Variants in HABP2 observed in about 807,000 individuals in gnomAD.
HABP2 encodes factor VII-activating protease.
Under a neutral mutation model 66.5 loss-of-function variants are expected in HABP2, and 65 were observed. The ratio of observed to expected loss-of-function variants is 0.98; its 90% CI spans 0.80 to 1.20. The LOEUF is 1.20. Ranked by LOEUF, HABP2 falls within the 50% of genes most tolerant of loss-of-function variation. The probability of loss-of-function intolerance (pLI) is 0.00; values close to 1 mark genes in which losing one functional copy is unlikely to be tolerated. For synonymous variants in HABP2, 263 were observed against 253.9 expected, an observed-to-expected ratio of 1.04 and a Z score of -0.34; for missense variants, 786 against 691.0, an observed-to-expected ratio of 1.14 and a Z score of -1.54.
intron 8 of HABP2, 72 bp from the exon 9 acceptor site, chr10:113,581,804 C>T: frequency 6.6e-7 from 1 of 1,507,870 alleles, no homozygotes; most frequent in East Asian, 2.3e-5. Flanking sequence ...CAGAGTCATA[C>T]CTCTGCCTGA....
In HABP2 at chr10:113,588,920, G is replaced by A; in HGVS notation, c.*551G>A. The A allele has an allele frequency of 5.7e-6, 8 of 1,412,646 alleles. No homozygotes were observed. Among genetic ancestry groups the A allele is most frequent in the African/African-American group, 1.4e-5 (1 of 71,146 alleles). 87.5% of individuals were successfully genotyped at this position (1,412,646 alleles called of 1,614,324 possible). A position where few individuals can be genotyped will look rare whatever the true frequency, so the allele number is the denominator to read the frequency against. On this transcript the variant is annotated 3_prime_UTR_variant, in exon 13 of 13. Coordinates refer to ENST00000351270, the MANE Select transcript of HABP2 (RefSeq NM_004132.5). ...CCGAAATCAAAGCCATCTGAAGCCT[G>A]TCTCTGGTGAACAAACTTCCTCTCT...
At chr10:113,566,029 C>A (rs11575661) in intron 1 of HABP2, among the ~76,000 whole-genome samples, 1 of 152,076 alleles carries the variant, frequency 6.6e-6, no homozygotes, top group African/African-American at 2.4e-5. Context: ...TATCATCTAC[C>A]TAATTCCCAA....
At position 113,578,721 on chromosome 10, in the gene HABP2, C is replaced by T. The variant is rs1030445013; in HGVS notation, c.663C>T (p.His221=). 7 of 1,609,816 alleles carry T rather than the reference C, an allele frequency of 4.3e-6. No individual in the cohort carries two copies. The highest frequency in any genetic ancestry group is 5.1e-6 in the Non-Finnish European group (6 of 1,176,110). The change falls in exon 7 of 13, where the codon CAC becomes CAT. Residue 221 remains histidine (H), a synonymous_variant. Coordinates refer to ENST00000351270, the MANE Select transcript of HABP2 (RefSeq NM_004132.5). The part of the protein sequence containing the change: ...NQHACLYWNS[H]LLLQENYNMF... Reference sequence around the variant, plus strand: ...ATGCGTGCCTTTACTGGAACTCCCACCTCCTCTTGCAGGAGAATTACAACA... The same window carrying T: ...ATGCGTGCCTTTACTGGAACTCCCATCTCCTCTTGCAGGAGAATTACAACA...
chr10:113,580,726 T>TG (rs547042032), intron 8 of HABP2, 34 bp downstream of exon 8: 23 of 1,080,504 alleles, frequency 2.1e-5, no homozygotes, highest in East Asian at 9.5e-5. Context: ...GCCCAGGGGG[T>TG]GGGGGGGATG....
Position 113,582,132 on chromosome 10 carries a change from G to C in HABP2, c.1094+1G>C. 1 of 1,601,278 alleles carries C rather than the reference G, an allele frequency of 6.2e-7. No individual in the cohort carries two copies. The highest frequency in any genetic ancestry group is 1.3e-5 in the African/African-American group (1 of 74,864). On this transcript the variant is annotated splice_donor_variant, in intron 9 of 12. Transcript: ENST00000351270. LOFTEE classifies it high-confidence loss of function. ...TGCTCACTGCTGCCCACTGCACCGA[G>C]TAGGTGCCGCTGGGAGCAGGGACCA...
At chr10:113,582,228 T>G in intron 9 of HABP2, 97 bp downstream of exon 9, 1 of 1,247,220 alleles carries the variant, frequency 8.0e-7, no homozygotes, top group Non-Finnish European at 1.1e-6. Flanking sequence ...CTGTCAGGAT[T>G]AGGGGGTCTG....
At chr10:113,572,023 G>A (rs1191829667) in intron 2 of HABP2, among the ~76,000 whole-genome samples, 1 of 152,188 alleles carries the variant, frequency 6.6e-6, no homozygotes, top group African/African-American at 2.4e-5. Context: ...AAATCACATG[G>A]CAGCCCATCC....
intron 11 of HABP2, 136 bp downstream of exon 11, chr10:113,584,418 C>A: frequency 1.4e-6 from 1 of 729,446 alleles, no homozygotes; most frequent in East Asian, 2.6e-5. Flanking sequence ...GCATCCACCT[C>A]ATTGATCAAG....
rs1207269634 is a variant in HABP2 at position 113,589,379 on chromosome 10, A to T, written c.*1010A>T. ...CTGCGAATGTAACGAGCAAGCAGTCAGCACAGCCTGGGCTGCCCTGGCCCG... is the reference window on the plus strand; with the variant it reads ...CTGCGAATGTAACGAGCAAGCAGTCTGCACAGCCTGGGCTGCCCTGGCCCG... On this transcript the variant is annotated 3_prime_UTR_variant, in exon 13 of 13. Coordinates refer to ENST00000351270, the MANE Select transcript of HABP2 (RefSeq NM_004132.5). The T allele has an allele frequency of 5.3e-6, 3 of 570,394 alleles. No individual in the cohort carries two copies. The highest frequency in any genetic ancestry group is 3.2e-5 in the Admixed American group (1 of 31,062). 35.3% of individuals were successfully genotyped at this position (570,394 alleles called of 1,614,324 possible).
At chr10:113,585,016 C>G (rs573011034) in intron 11 of HABP2, among the ~76,000 whole-genome samples, 4 of 152,324 alleles carry the variant, frequency 2.6e-5, no homozygotes, top group African/African-American at 9.6e-5. Context: ...TTCGCAAATC[C>G]TGTCCTTAAT....
Position 113,578,127 on chromosome 10 carries a change from G to C in HABP2, c.550G>C (p.Gly184Arg), listed in dbSNP as rs371091192. 2.1e-5 allele frequency: 34 copies of C among 1,613,994 alleles called. No homozygotes were observed. The highest frequency in any genetic ancestry group is 2.8e-5 in the Non-Finnish European group (33 of 1,179,996). Residue 184 changes from glycine to arginine, a missense_variant, in exon 6 of 13, where the codon GGG (glycine) becomes CGG (arginine). Gly to Arg is a moderately radical substitution (Grantham distance 125). Coordinates refer to ENST00000351270, the MANE Select transcript of HABP2 (RefSeq NM_004132.5). ...FTCACPDQFK[G>R]KFCEIGSDDC... ...CTGTGCCTGTCCCGACCAGTTCAAG[G>C]GGAAATTCTGTGAAATAGGTATGGG... is the stretch of plus-strand genomic sequence containing the variant.
chr10:113,580,610 C>T lies in HABP2; in HGVS notation c.756C>T (p.Asp252=), dbSNP rs142304622. ...TGTATTTTAGAAACCCAGATGCGGA[C>T]GAAAAGCCCTGGTGCTTTATTAAAG... ...EHNFCRNPDA[D]EKPWCFIKVT... Residue 252 remains aspartate (D), a synonymous_variant, in exon 8 of 13, where the codon GAC becomes GAT. Transcript: ENST00000351270. 5.1e-5 allele frequency: 80 copies of T among 1,579,802 alleles called. 1 individual carries two copies. Among genetic ancestry groups the T allele is most frequent in the African/African-American group, 4.8e-4 (36 of 74,322 alleles).
intron 11 of HABP2, among the ~76,000 whole-genome samples, chr10:113,584,782 G>T (rs1208923669): frequency 6.6e-6 from 1 of 152,172 alleles, no homozygotes; most frequent in Non-Finnish European, 1.5e-5. Flanking sequence ...ATTCATCTCT[G>T]TCTGTCTCAC....
intron 4 of HABP2, 33 bp from the exon 5 acceptor site, chr10:113,577,117 C>T: frequency 8.3e-7 from 1 of 1,206,118 alleles, no homozygotes; most frequent in Non-Finnish European, 1.2e-6. Context: ...AAATGTGCCC[C>T]AAATAATGTC....
chr10:113,553,916 G>A, intron 1 of HABP2, among the ~76,000 whole-genome samples: 1 of 152,210 alleles, frequency 6.6e-6, no homozygotes, highest in Non-Finnish European at 1.5e-5. Context: ...ATGGATCTCT[G>A]TGGGCATGGA....
intron 1 of HABP2, among the ~76,000 whole-genome samples, chr10:113,555,451 A>T (rs1435316073): frequency 1.3e-5 from 2 of 151,762 alleles, no homozygotes; most frequent in Non-Finnish European, 2.9e-5. Context: ...AGTGTAATGG[A>T]CTCCACGTGT....
Position 113,589,601 on chromosome 10 carries a change from A to T in HABP2, c.*1232A>T. On this transcript the variant is annotated 3_prime_UTR_variant, in exon 13 of 13. Transcript: ENST00000351270. Reference sequence around the variant, plus strand: ...TGGCCAAAAATAAACTTTGAAAAGAAACAATGAGTTTGTCTTTCCCCATGG... The same window carrying T: ...TGGCCAAAAATAAACTTTGAAAAGATACAATGAGTTTGTCTTTCCCCATGG... The T allele has an allele frequency of 6.4e-7, 1 of 1,556,492 alleles. No homozygotes were observed. The highest frequency in any genetic ancestry group is 8.7e-7 in the Non-Finnish European group (1 of 1,153,872).
rs1845458366 is a variant in HABP2 at position 113,578,607 on chromosome 10, T to C, written c.569-20T>C. On this transcript the variant is annotated intron_variant, in intron 6 of 12. Transcript: ENST00000351270. ...TGCCAATGGCTGTTGGTTCTCACAT[T>C]GCTACCTGCTCTCTCGGAGGTTCTG... 6.3e-7 allele frequency: 1 copy of C among 1,594,408 alleles called. No homozygotes were observed. The highest frequency in any genetic ancestry group is 8.6e-7 in the Non-Finnish European group (1 of 1,165,864).
At chr10:113,578,172 C>T in intron 6 of HABP2, 27 bp downstream of exon 6, 2 of 1,612,280 alleles carry the variant, frequency 1.2e-6, no homozygotes, top group Middle Eastern at 1.7e-4. Context: ...CCATCAGGGC[C>T]ACAAGTGAGG....
Sources: allele counts gnomAD v4.1 joint callset (sites outside exome capture counted in the v4.1 genomes callset), GRCh38; gene constraint gnomAD v4.1.1; transcripts MANE v1.5; gene names NCBI Gene and HGNC (gene_info 2026-07-23, HGNC 2026-07-21).